PCDH11X: variants seen among roughly 807,000 people sequenced by gnomAD.
The protein encoded by PCDH11X is protocadherin 11 X-linked, also known as protocadherin-11 X-linked.
In PCDH11X, 18 loss-of-function variants were observed where a neutral mutation model predicts 53.3. The observed-to-expected ratio is 0.34, with a 90% CI of 0.23 to 0.50. The LOEUF is 0.50. PCDH11X is among the 20% of genes least tolerant of loss of function. The probability of loss-of-function intolerance (pLI) is 0.98; values close to 1 mark genes in which losing one functional copy is unlikely to be tolerated. For missense variants in PCDH11X, 570 were observed against 1,032.4 expected (o/e 0.55, Z 6.14); for synonymous variants, 279 against 393.3 (o/e 0.71, Z 3.44).
At chrX:92,176,383 G>A (rs2065910181) in intron 6 of PCDH11X, among the ~76,000 whole-genome samples, 1 of 111,614 alleles carries the variant, frequency 9.0e-6, no homozygotes, top group Non-Finnish European at 1.9e-5. Context: ...GAAAAGTAAA[G>A]CTCCCCTAAT....
At chrX:92,300,624 C>G (rs1214185580) in intron 8 of PCDH11X, among the ~76,000 whole-genome samples, 1 of 110,490 alleles carries the variant, frequency 9.1e-6, no homozygotes, top group Non-Finnish European at 1.9e-5. Flanking sequence ...ATTACAGGTG[C>G]CTGCCACCAT....
intron 6 of PCDH11X, among the ~76,000 whole-genome samples, chrX:92,039,635 C>A (rs1463060087): frequency 1.8e-5 from 2 of 111,894 alleles, no homozygotes; most frequent in African/African-American, 3.2e-5. Context: ...TGGCCCAGGG[C>A]AGGTTCATAA....
intron 8 of PCDH11X, among the ~76,000 whole-genome samples, chrX:92,381,401 A>T (rs978999788): frequency 4.5e-5 from 5 of 111,589 alleles, no homozygotes; most frequent in Non-Finnish European, 9.4e-5. Flanking sequence ...ATGGGTCTAA[A>T]ACAAATATGT....
At chrX:92,011,192 G>A (rs1424750794) in intron 6 of PCDH11X, among the ~76,000 whole-genome samples, 2 of 112,037 alleles carry the variant, frequency 1.8e-5, no homozygotes, top group African/African-American at 6.5e-5. Flanking sequence ...ACATACACAT[G>A]AATGCGTCTT....
chrX:92,056,709 A>T (rs1219309506), intron 6 of PCDH11X, among the ~76,000 whole-genome samples: 1 of 110,402 alleles, frequency 9.1e-6, no homozygotes, highest in Non-Finnish European at 1.9e-5. Context: ...AATTTTTTAC[A>T]CTTATTTAAA....
intron 7 of PCDH11X, among the ~76,000 whole-genome samples, chrX:92,249,159 A>T (rs2067410789): frequency 9.0e-6 from 1 of 111,339 alleles, no homozygotes; most frequent in African/African-American, 3.3e-5. Flanking sequence ...AAAACCAGAT[A>T]TTCACAGAAT....
chrX:91,866,757 A>T (rs1220276652), intron 5 of PCDH11X, among the ~76,000 whole-genome samples: 7 of 110,622 alleles, frequency 6.3e-5, no homozygotes, highest in Non-Finnish European at 1.3e-4. Flanking sequence ...TTGTAGATAG[A>T]TGTTAAATTT....
At chrX:92,215,248 G>A (rs995388105) in intron 7 of PCDH11X, among the ~76,000 whole-genome samples, 2 of 110,041 alleles carry the variant, frequency 1.8e-5, no homozygotes, top group African/African-American at 6.6e-5. Context: ...GCAGGGCAAG[G>A]CATTGCCTCA....
chrX:92,501,905 A>G (rs1416949313), intron 10 of PCDH11X, among the ~76,000 whole-genome samples: 1 of 110,931 alleles, frequency 9.0e-6, no homozygotes, highest in Non-Finnish European at 1.9e-5. Context: ...AGAGTATTCA[A>G]ATAGGGAGTG....
chrX:92,110,218 T>G (rs1249185395), intron 6 of PCDH11X, among the ~76,000 whole-genome samples: 1 of 111,567 alleles, frequency 9.0e-6, no homozygotes, highest in Non-Finnish European at 1.9e-5. Flanking sequence ...TTGTATTGTA[T>G]AGACTAAGTA....
At position 91,870,717 on chromosome X, in the gene PCDH11X, T is replaced by G. The variant is rs1370577123; in HGVS notation, c.541-6064T>G. On this transcript the variant is annotated intron_variant, in intron 5 of 10. Transcript: ENST00000682573. The stretch of plus-strand genomic sequence containing the variant: ...TATTAATATTTTAATGTAAACTTAT[T>G]TCTTCCTAAGAGACATAGTGTTTTC... Among the ~76,000 whole-genome samples the G allele has an allele frequency of 1.6e-4, 18 of 110,899 alleles. No individual in the cohort carries two copies. In the Admixed American group the frequency reaches 1.7e-3, roughly 11 times the overall value.
chrX:91,829,338 T>C (rs1312673613), intron 4 of PCDH11X, among the ~76,000 whole-genome samples: 1 of 108,753 alleles, frequency 9.2e-6, no homozygotes, highest in Non-Finnish European at 1.9e-5. Flanking sequence ...CTAATGGAAG[T>C]ACTACTTATC....
rs1190053024 is a variant in PCDH11X at position 91,877,896 on chromosome X, C to G, written c.1656C>G (p.Ser552Arg). 5.8e-6 allele frequency: 7 copies of G among 1,211,679 alleles called. No individual in the cohort carries two copies. The highest frequency in any genetic ancestry group is 7.8e-6 in the Non-Finnish European group (7 of 895,435). ...ATAACGGGGTACCACCCTTAACCAGCAATGTCACAGTCTTTGTAAGCATTA... is the reference window on the plus strand; with the variant it reads ...ATAACGGGGTACCACCCTTAACCAGGAATGTCACAGTCTTTGTAAGCATTA... Reference protein sequence around the residue: ...AKDNGVPPLTSNVTVFVSIID... With the variant: ...AKDNGVPPLTRNVTVFVSIID... Residue 552 changes from serine to arginine, a missense_variant, in exon 6 of 11, where the codon AGC becomes AGG. This residue lies in a region of PCDH11X where 226 missense variants were observed against 457.5 expected (regional missense o/e 0.49). Transcript: ENST00000682573.
intron 6 of PCDH11X, among the ~76,000 whole-genome samples, chrX:92,188,552 C>G (rs1168111724): frequency 9.0e-6 from 1 of 111,394 alleles, no homozygotes; most frequent in Non-Finnish European, 1.9e-5. Flanking sequence ...TAGAAGAAAA[C>G]AACATTATTG....
intron 7 of PCDH11X, among the ~76,000 whole-genome samples, chrX:92,202,737 G>T (rs1005900644): frequency 8.9e-6 from 1 of 112,016 alleles, no homozygotes; most frequent in African/African-American, 3.2e-5. Flanking sequence ...AAAAAATGGG[G>T]TTGGCTGGGT....
At chrX:91,833,621 T>C (rs1220378731) in intron 4 of PCDH11X, among the ~76,000 whole-genome samples, 1 of 111,849 alleles carries the variant, frequency 8.9e-6, no homozygotes, top group Admixed American at 9.6e-5. Context: ...TTTTAAAATG[T>C]TGTGATAAAA....
intron 6 of PCDH11X, among the ~76,000 whole-genome samples, chrX:92,152,755 GTA>G (rs2065457728): frequency 4.6e-5 from 1 of 21,709 alleles, no homozygotes; most frequent in Admixed American, 3.8e-4. Context: ...TTTATTTTAT[GTA>G]TGTATGTATG....
chrX:92,406,198 C>A (rs1427005894), intron 9 of PCDH11X, among the ~76,000 whole-genome samples: 2 of 109,104 alleles, frequency 1.8e-5, no homozygotes, highest in African/African-American at 6.7e-5. Flanking sequence ...AATTATTAAC[C>A]AAGTGAGTAT....
chrX:91,859,816 G>T (rs1351409003), intron 5 of PCDH11X, among the ~76,000 whole-genome samples: 1 of 105,794 alleles, frequency 9.5e-6, no homozygotes, highest in Non-Finnish European at 1.9e-5. Context: ...TGTTGCATTT[G>T]TCTATGTTTC....
Sources: gnomAD v4.1 joint callset for allele counts (sites outside exome capture counted in the v4.1 genomes callset) on GRCh38, gnomAD v4.1.1 for gene constraint, gnomAD v4.1.1 regional missense constraint, MANE v1.5 for transcripts, NCBI Gene and HGNC (gene_info 2026-07-23, HGNC 2026-07-21) for gene names.